HOPX: variants seen among roughly 807,000 people sequenced by gnomAD.
The protein encoded by HOPX is HOP homeobox.
HOPX carries 5 observed loss-of-function variants against 11.8 expected under a neutral mutation model. The ratio of observed to expected loss-of-function variants is 0.43; its 90% CI spans 0.22 to 0.89. The LOEUF (loss-of-function observed/expected upper bound fraction) is 0.89. Among genes scored for constraint, HOPX ranks in the 40% least tolerant of loss-of-function variants. HOPX has a pLI of 0.28. For synonymous variants in HOPX, 49 were observed against 49.7 expected (o/e 0.99, Z 0.06); for missense variants, 119 against 120.0 (o/e 0.99, Z 0.04).
In HOPX at chr4:56,652,535, C is replaced by T. The variant is rs928096374; in HGVS notation, c.198+3322G>A. 2.0e-5 allele frequency among the ~76,000 whole-genome samples: 3 copies of T among 152,046 alleles called. No individual in the cohort carries two copies. In the South Asian group the frequency reaches 6.2e-4, roughly 32 times the overall value. On this transcript the variant is annotated intron_variant, in intron 3 of 3. Coordinates refer to ENST00000420433, the MANE Select transcript of HOPX (RefSeq NM_032495.6). ...GAACAGAGATAGGGGAGGCTGGCTG[C>T]GATGGCTCATGCTTGTAATCCCAGC...
intron 2 of HOPX, 69 bp from the exon 3 acceptor site, chr4:56,656,081 G>A: frequency 7.2e-7 from 1 of 1,381,210 alleles, no homozygotes; most frequent in Non-Finnish European, 9.3e-7. Flanking sequence ...GAAGGAAGGC[G>A]GTCGCGGCGC....
chr4:56,660,569 T>A (rs922212811), intron 1 of HOPX, among the ~76,000 whole-genome samples: 87 of 144,766 alleles, frequency 6.0e-4, no homozygotes, highest in African/African-American at 2.1e-3. Context: ...TGAAAAAAAA[T>A]TTTTTTTCCC....
At position 56,648,899 on chromosome 4, in the gene HOPX, A is replaced by G. The variant is rs556228123; in HGVS notation, c.199-102T>C. On this transcript the variant is annotated intron_variant, in intron 3 of 3. Transcript: ENST00000420433. ...CCTCTGTGGCACAAGTGGAAAGGAGAGAATCAAGGAATGTTCCCATAGGGA... is the reference window on the plus strand; with the variant it reads ...CCTCTGTGGCACAAGTGGAAAGGAGGGAATCAAGGAATGTTCCCATAGGGA... 11 of 852,886 alleles carry G rather than the reference A, an allele frequency of 1.3e-5. No homozygotes were observed. In the Admixed American group the frequency reaches 2.3e-4, roughly 18 times the overall value. The allele number at this position is 852,886 out of a possible 1,614,324, so 52.8% of individuals were successfully genotyped here. A position where few individuals can be genotyped will look rare whatever the true frequency, so the allele number is the denominator to read the frequency against.
chr4:56,655,973 T>G lies in HOPX; in HGVS notation c.82A>C (p.Thr28Pro). 6.2e-7 allele frequency: 1 copy of G among 1,608,226 alleles called. No individual in the cohort carries two copies. Among genetic ancestry groups the G allele is most frequent in the Non-Finnish European group, 8.5e-7 (1 of 1,177,656 alleles). The change falls in exon 3 of 4, where the codon ACA becomes CCA. Residue 28 changes from threonine (T) to proline (P), a missense_variant. Coordinates refer to ENST00000420433, the MANE Select transcript of HOPX (RefSeq NM_032495.6). ...TMSAETASGP[T>P]EDQVEILEYN... ...TCCAGGATTTCCACCTGGTCCTCTG[T>G]GGGGCCGCTCGCGGTCTCCGCCGAC...
At chr4:56,674,843 G>C (rs1190869520) in intron 1 of HOPX, among the ~76,000 whole-genome samples, 1 of 150,482 alleles carries the variant, frequency 6.6e-6, no homozygotes. Flanking sequence ...GAACTTCTGG[G>C]CTCAAGCAAC....
Position 56,657,762 on chromosome 4 carries a change from C to G in HOPX, c.42+13G>C, listed in dbSNP as rs1479969221. 1.9e-6 allele frequency: 2 copies of G among 1,056,692 alleles called. No homozygotes were observed. Among genetic ancestry groups the G allele is most frequent in the Admixed American group, 4.0e-5 (2 of 50,350 alleles). The allele number at this position is 1,056,692 out of a possible 1,614,324, so 65.5% of individuals were successfully genotyped here. On this transcript the variant is annotated intron_variant, in intron 2 of 3. Coordinates refer to ENST00000420433, the MANE Select transcript of HOPX (RefSeq NM_032495.6). ...CACACAACTTCAGAGCTGGGAAGAA[C>G]CTTGGAAATTACCTCTTCCAGTCTT...
At chr4:56,656,306 CG>C (rs1255409709) in intron 2 of HOPX, 2 of 1,111,642 alleles carry the variant, frequency 1.8e-6, no homozygotes, top group South Asian at 4.2e-5. Context: ...CTGCCTGCGA[CG>C]GGGGCGAGAT....
intron 1 of HOPX, among the ~76,000 whole-genome samples, chr4:56,667,483 G>A (rs1718502560): frequency 6.6e-6 from 1 of 152,088 alleles, no homozygotes. Context: ...TGTTGGAGAT[G>A]TAATGGATAT....
At chr4:56,671,401 A>G (rs1236765451) in intron 1 of HOPX, among the ~76,000 whole-genome samples, 1 of 152,104 alleles carries the variant, frequency 6.6e-6, no homozygotes, top group Admixed American at 6.5e-5. Context: ...TCTTTGACAG[A>G]ATGGAATTAT....
chr4:56,650,237 T>C (rs1454562952), intron 3 of HOPX: 1 of 158,032 alleles, frequency 6.3e-6, no homozygotes, highest in African/African-American at 2.4e-5. Context: ...CTGTCCCTTC[T>C]GGTATTTCTA....
intron 3 of HOPX, 130 bp downstream of exon 3, chr4:56,655,727 C>T: frequency 9.2e-7 from 1 of 1,092,088 alleles, no homozygotes; most frequent in Non-Finnish European, 1.3e-6. Flanking sequence ...CCCTGGGATG[C>T]GGGCAGAAGC....
In HOPX at chr4:56,648,042, C is replaced by T. The variant is rs1295305646; in HGVS notation, c.*678G>A. The T allele has an allele frequency of 6.6e-6, 1 of 152,070 alleles. No homozygotes were observed. Among genetic ancestry groups the T allele is most frequent in the Non-Finnish European group, 1.5e-5 (1 of 68,004 alleles). The allele number at this position is 152,070 out of a possible 1,614,324, so 9.4% of individuals were successfully genotyped here. A position where few individuals can be genotyped will look rare whatever the true frequency, so the allele number is the denominator to read the frequency against. Reference sequence around the variant, plus strand: ...TTTATTTAGAATATCATTTTAGAGACAAAAAGCAGTTCACTTTATTTAGCA... The same window carrying T: ...TTTATTTAGAATATCATTTTAGAGATAAAAAGCAGTTCACTTTATTTAGCA... On this transcript the variant is annotated 3_prime_UTR_variant, in exon 4 of 4. Transcript: ENST00000420433.
intron 1 of HOPX, chr4:56,672,853 G>C (rs1334732514): frequency 6.6e-6 from 1 of 151,988 alleles, no homozygotes; most frequent in Non-Finnish European, 1.5e-5. Context: ...TATTGAGAAG[G>C]GGAGATCACT....
chr4:56,662,463 T>G (rs1463236120), intron 1 of HOPX: 1 of 135,336 alleles, frequency 7.4e-6, no homozygotes, highest in Non-Finnish European at 1.6e-5. Flanking sequence ...ATTATTTTCT[T>G]TCTTTCTTTC....
intron 1 of HOPX, among the ~76,000 whole-genome samples, chr4:56,669,469 G>A (rs1478293728): frequency 6.6e-6 from 1 of 152,076 alleles, no homozygotes; most frequent in Non-Finnish European, 1.5e-5. Flanking sequence ...GAGCAGCCTG[G>A]CCAACATGGC....
intron 2 of HOPX, among the ~76,000 whole-genome samples, chr4:56,657,249 T>G (rs747573243): frequency 2.0e-5 from 3 of 152,188 alleles, no homozygotes; most frequent in Non-Finnish European, 2.9e-5. Context: ...TCCTTGGCTG[T>G]GGGTTTGGCA....
At chr4:56,673,607 C>T (rs1718853313) in intron 1 of HOPX, among the ~76,000 whole-genome samples, 1 of 152,172 alleles carries the variant, frequency 6.6e-6, no homozygotes, top group Non-Finnish European at 1.5e-5. Context: ...TATTGACCTC[C>T]ACGACATCCT....
chr4:56,650,518 G>C, intron 3 of HOPX: 1 of 641,540 alleles, frequency 1.6e-6, no homozygotes, highest in Non-Finnish European at 2.7e-6. Flanking sequence ...GCCTAGAGGA[G>C]AGGCTGTTGA....
At chr4:56,664,711 T>G (rs879922063) in intron 1 of HOPX, 7 of 152,188 alleles carry the variant, frequency 4.6e-5, no homozygotes, top group African/African-American at 1.4e-4. Context: ...CATTATGCAC[T>G]TGTACACTGT....
Sources: allele counts gnomAD v4.1 joint callset (sites outside exome capture counted in the v4.1 genomes callset), GRCh38; gene constraint gnomAD v4.1.1; transcripts MANE v1.5; gene names NCBI Gene and HGNC (gene_info 2026-07-23, HGNC 2026-07-21).